Variants in DAB1 observed in about 807,000 individuals in gnomAD.
DAB1 encodes DAB adaptor protein 1.
DAB1 carries 15 observed loss-of-function variants against 64.6 expected under a neutral mutation model. The ratio of observed to expected loss-of-function variants is 0.23; its 90% CI spans 0.16 to 0.36. The LOEUF is 0.36. DAB1 is among the 10% of genes least tolerant of loss of function. DAB1 has a pLI of 1.00. For missense variants in DAB1, 596 were observed against 706.7 expected (o/e 0.84, Z 1.78); for synonymous variants, 235 against 251.9 (o/e 0.93, Z 0.64).
intron 3 of DAB1, among the ~76,000 whole-genome samples, chr1:58,387,586 G>T (rs1644442953): frequency 6.6e-6 from 1 of 152,136 alleles, no homozygotes; most frequent in South Asian, 2.1e-4. Context: ...ATCTTTCAGA[G>T]CTGCACTCAG....
chr1:57,091,505 AT>A (rs1453466183), intron 4 of DAB1, among the ~76,000 whole-genome samples: 2 of 152,172 alleles, frequency 1.3e-5, no homozygotes, highest in African/African-American at 4.8e-5. Context: ...AGACTAAGTA[AT>A]CAGCCCAAAG....
At chr1:57,492,451 T>G (rs1182082967) in intron 7 of DAB1, among the ~76,000 whole-genome samples, 3 of 152,190 alleles carry the variant, frequency 2.0e-5, no homozygotes, top group Non-Finnish European at 4.4e-5. Context: ...CTCTAGAAAA[T>G]GCCTGTTCAA....
intron 4 of DAB1, among the ~76,000 whole-genome samples, chr1:58,172,768 C>G (rs1254962206): frequency 6.6e-6 from 1 of 152,208 alleles, no homozygotes; most frequent in Non-Finnish European, 1.5e-5. Flanking sequence ...AGCCTCTTCC[C>G]CCAGGGACCA....
At chr1:57,104,139 A>T (rs546725511) in intron 4 of DAB1, among the ~76,000 whole-genome samples, 3 of 152,230 alleles carry the variant, frequency 2.0e-5, no homozygotes, top group African/African-American at 7.2e-5. Flanking sequence ...TGGTCTACAC[A>T]CTGTTTCTGA....
intron 5 of DAB1, among the ~76,000 whole-genome samples, chr1:58,123,910 T>TAC (rs749159861): frequency 3.4e-4 from 52 of 151,872 alleles, no homozygotes; most frequent in South Asian, 1.0e-3. Context: ...CATATACTAA[T>TAC]ACACACACAC....
chr1:57,584,940 G>A (rs17470211), intron 7 of DAB1, among the ~76,000 whole-genome samples: 1,783 of 145,332 alleles, frequency 0.012, 16 homozygotes, highest in Non-Finnish European at 0.019. Context: ...CCTCTATATC[G>A]AATTCTTTCT....
rs1297434622 is a variant in DAB1 at position 57,026,021 on chromosome 1, A to G, written c.746T>C (p.Phe249Ser). ...ATCAGGGGGTGTGGACATGTCCCCA[A>G]AAAGTTCTAATTGGGTCACAGCCTG... ...PVSAVTQLEL[F>S]GDMSTPPDIT... Residue 249 changes from phenylalanine (F) to serine (S), a missense_variant, in exon 10 of 15, where the codon TTT (phenylalanine) becomes TCT (serine). Phe to Ser is a radical substitution (Grantham distance 155). This residue lies in a region of DAB1 where 176 missense variants were observed against 266.7 expected (regional missense o/e 0.66). Transcript: ENST00000371236. 5.0e-6 allele frequency: 8 copies of G among 1,597,290 alleles called. No homozygotes were observed. The East Asian group carries it at 6.8e-5, about 14-fold the overall frequency.
rs768523539 is a variant in DAB1, at chr1:57,023,584, G to A, written c.842C>T (p.Ala281Val). Residue 281 changes from alanine to valine, a missense_variant, in exon 11 of 15, where the codon GCG (alanine) becomes GTG (valine). Physicochemically the swap from Ala to Val is moderately conservative, Grantham distance 64. Transcript: ENST00000371236. ...TACAGAACTAAACACATCTGCACTC[G>A]CTGGAAGGGTCTGAGATGAAGATGG... ...FIPSSSQTLP[A>V]SADVFSSVPF... The A allele has an allele frequency of 7.4e-6, 12 of 1,612,346 alleles. No homozygotes were observed. The highest frequency in any genetic ancestry group is 5.0e-5 in the Admixed American group (3 of 59,856).
chr1:57,777,107 C>G (rs1454828476), intron 6 of DAB1, among the ~76,000 whole-genome samples: 1 of 142,174 alleles, frequency 7.0e-6, no homozygotes, highest in African/African-American at 2.6e-5. Flanking sequence ...TTTTTTAAAG[C>G]ACGTTAAAGA....
At chr1:57,247,765 G>T (rs1668997552) in intron 2 of DAB1, among the ~76,000 whole-genome samples, 1 of 152,124 alleles carries the variant, frequency 6.6e-6, no homozygotes, top group African/African-American at 2.4e-5. Flanking sequence ...TAACTTTTAG[G>T]CTTGGCCCAT....
rs564146943 is a variant in DAB1, at chr1:57,726,049, C to T, written n.552-76384G>A. Among the ~76,000 whole-genome samples the T allele has an allele frequency of 8.5e-5, 13 of 152,196 alleles. No individual in the cohort carries two copies. In the East Asian group the frequency reaches 1.3e-3, roughly 16 times the overall value. ...GATTACAGGTGGGAGCCACCGTGCC[C>T]GGCCTATCTGTTCTTTCAGTAATCT... On this transcript the variant is annotated intron_variant and non_coding_transcript_variant, in intron 6 of 20. Transcript: ENST00000485760.
chr1:57,639,960 T>G (rs1209670281), intron 7 of DAB1, among the ~76,000 whole-genome samples: 1 of 152,178 alleles, frequency 6.6e-6, no homozygotes, highest in African/African-American at 2.4e-5. Flanking sequence ...CTTGGAATAG[T>G]CAGGCTTTAG....
At position 58,159,116 on chromosome 1, in the gene DAB1, T is replaced by C. The variant is rs544571247; in HGVS notation, n.310-8528A>G. ...TCTGGAACCCAAACTGAACAAGAAT[T>C]CTGTCTTCAACATTTAATAGCTCTG... On this transcript the variant is annotated intron_variant and non_coding_transcript_variant, in intron 4 of 20. Transcript: ENST00000485760. 5.9e-5 allele frequency among the ~76,000 whole-genome samples: 9 copies of C among 152,286 alleles called. No individual in the cohort carries two copies. The South Asian group carries it at 1.9e-3, about 32-fold the overall frequency.
chr1:58,512,327 T>C (rs1367914216), intron 2 of DAB1, among the ~76,000 whole-genome samples: 2 of 152,172 alleles, frequency 1.3e-5, no homozygotes, highest in Non-Finnish European at 1.5e-5. Flanking sequence ...GTGGACTTTA[T>C]GAAAAACAAT....
chr1:57,141,161 A>G (rs1314245214), intron 3 of DAB1, among the ~76,000 whole-genome samples: 1 of 152,154 alleles, frequency 6.6e-6, no homozygotes, highest in Admixed American at 6.5e-5. Context: ...AACCAAAGGG[A>G]AAAAATTCAT....
At chr1:57,057,760 A>G (rs970411810) in intron 9 of DAB1, among the ~76,000 whole-genome samples, 108 of 140,454 alleles carry the variant, frequency 7.7e-4, no homozygotes, top group African/African-American at 2.8e-3. Flanking sequence ...GGTGCCTGCC[A>G]CCATGCCTGG....
intron 5 of DAB1, among the ~76,000 whole-genome samples, chr1:58,039,733 G>A (rs1175326291): frequency 6.6e-6 from 1 of 152,084 alleles, no homozygotes; most frequent in Non-Finnish European, 1.5e-5. Context: ...GGGTCAGAAT[G>A]CCTGGGCCAC....
At chr1:57,498,006 G>A (rs1250240949) in intron 7 of DAB1, among the ~76,000 whole-genome samples, 3 of 152,212 alleles carry the variant, frequency 2.0e-5, no homozygotes, top group Admixed American at 6.5e-5. Flanking sequence ...GTTTGTACAA[G>A]GGTGGAGATA....
chr1:57,211,497 C>T (rs899322475), intron 2 of DAB1, among the ~76,000 whole-genome samples: 9 of 152,168 alleles, frequency 5.9e-5, no homozygotes, highest in Admixed American at 2.6e-4. Context: ...CAAATCCTTG[C>T]TTTGAATCAT....
Sources: allele counts gnomAD v4.1 joint callset (sites outside exome capture counted in the v4.1 genomes callset), GRCh38; gene constraint gnomAD v4.1.1; regional missense constraint gnomAD v4.1.1; transcripts MANE v1.5; gene names NCBI Gene and HGNC (gene_info 2026-07-23, HGNC 2026-07-21).